PREX1: variants seen among roughly 807,000 people sequenced by gnomAD.
PREX1 encodes phosphatidylinositol-3,4,5-trisphosphate dependent Rac exchange factor 1.
PREX1 carries 41 observed loss-of-function variants against 198.3 expected under a neutral mutation model. The ratio of observed to expected loss-of-function variants is 0.21; its 90% CI spans 0.16 to 0.27. The LOEUF is 0.27. Ranked by LOEUF, PREX1 falls within the 10% of genes least tolerant of loss-of-function variation. The pLI is 1.00. For missense variants in PREX1, 1,620 were observed against 2,200.7 expected, an observed-to-expected ratio of 0.74 and a Z score of 5.28; for synonymous variants, 843 against 887.2, an observed-to-expected ratio of 0.95 and a Z score of 0.89.
chr20:48,735,775 C>T (rs2090054688), intron 3 of PREX1, among the ~76,000 whole-genome samples: 3 of 152,262 alleles, frequency 2.0e-5, no homozygotes, highest in South Asian at 4.1e-4. Context: ...CCCAGGGTCT[C>T]GCCGCTAGTG....
At chr20:48,724,468 T>C (rs6066827) in intron 5 of PREX1, among the ~76,000 whole-genome samples, 22,448 of 152,208 alleles carry the variant, frequency 0.15, 1,901 homozygotes, top group South Asian at 0.27. Flanking sequence ...GAAATTCAAA[T>C]CCAGACTGCT....
rs2089264391 is a variant in PREX1, at chr20:48,625,592, G to A, written c.*293C>T. On this transcript the variant is annotated 3_prime_UTR_variant, in exon 40 of 40. Transcript: ENST00000371941. ...GTTCCCTTGGGTTCTGGGGACGCAG[G>A]AGCCGAAGGCCAGGCACCAGCTGCT... 1 of 374,174 alleles carries A rather than the reference G, an allele frequency of 2.7e-6. No homozygotes were observed. Among genetic ancestry groups the A allele is most frequent in the Non-Finnish European group, 4.8e-6 (1 of 209,008 alleles). 23.2% of individuals were successfully genotyped at this position (374,174 alleles called of 1,614,324 possible).
In PREX1 at chr20:48,632,643, C is replaced by A. The variant is rs149877120; in HGVS notation, c.4268-4G>T. 1.7e-5 allele frequency: 27 copies of A among 1,613,390 alleles called. No homozygotes were observed. The highest frequency in any genetic ancestry group is 3.3e-4 in the Middle Eastern group (2 of 6,084). On this transcript the variant is annotated splice_polypyrimidine_tract_variant and splice_region_variant and intron_variant, in intron 33 of 39. Transcript: ENST00000371941. Reference sequence around the variant, plus strand: ...ATGTGGTAGAAGACGTTGGTGTCTGCGGAAGGATATGGGGCAGGATGACTC... The same window carrying A: ...ATGTGGTAGAAGACGTTGGTGTCTGAGGAAGGATATGGGGCAGGATGACTC...
chr20:48,695,056 A>C (rs1300981804), intron 7 of PREX1, among the ~76,000 whole-genome samples: 1 of 152,206 alleles, frequency 6.6e-6, no homozygotes, highest in Non-Finnish European at 1.5e-5. Flanking sequence ...CACAGAAAAA[A>C]AATGCCCAAA....
chr20:48,630,885 C>A, intron 35 of PREX1, 91 bp from the exon 36 acceptor site: 1 of 949,586 alleles, frequency 1.1e-6, no homozygotes, highest in Non-Finnish European at 1.7e-6. Context: ...GCCACCGTGA[C>A]TCCGCCCTCT....
At chr20:48,769,132 CT>C (rs756415563) in intron 1 of PREX1, among the ~76,000 whole-genome samples, 2 of 152,192 alleles carry the variant, frequency 1.3e-5, no homozygotes, top group Non-Finnish European at 2.9e-5. Context: ...GCCCTGGCTT[CT>C]TTGAGGCCCG....
At chr20:48,744,809 G>A (rs1835634738) in intron 3 of PREX1, among the ~76,000 whole-genome samples, 1 of 152,216 alleles carries the variant, frequency 6.6e-6, no homozygotes, top group Admixed American at 6.5e-5. Flanking sequence ...TGGAGCTGAG[G>A]GAAAGGAGAG....
chr20:48,787,487 T>C (rs1162714950), intron 1 of PREX1, among the ~76,000 whole-genome samples: 1 of 149,918 alleles, frequency 6.7e-6, no homozygotes, highest in African/African-American at 2.5e-5. Flanking sequence ...CCAGCCGGGG[T>C]CCACAAGAGA....
At chr20:48,816,344 C>T (rs921649899) in intron 1 of PREX1, among the ~76,000 whole-genome samples, 4 of 152,170 alleles carry the variant, frequency 2.6e-5, no homozygotes, top group African/African-American at 4.8e-5. Context: ...AGGATCACTG[C>T]CCCCTGTGTC....
At chr20:48,844,564 C>T in the PREX1 span, among the ~76,000 whole-genome samples, 1 of 152,172 alleles carries the variant, frequency 6.6e-6, no homozygotes, top group African/African-American at 2.4e-5. Context: ...AGGTCTTCTT[C>T]CCTCTCAAAA....
At chr20:48,635,863 A>T (rs1246546443) in intron 32 of PREX1, among the ~76,000 whole-genome samples, 1 of 152,148 alleles carries the variant, frequency 6.6e-6, no homozygotes, top group East Asian at 1.9e-4. Flanking sequence ...GAGGAAGGGG[A>T]GGGCTGAGTG....
At chr20:48,632,014 C>T (rs1164536759) in intron 35 of PREX1, among the ~76,000 whole-genome samples, 1 of 152,232 alleles carries the variant, frequency 6.6e-6, no homozygotes, top group East Asian at 1.9e-4. Flanking sequence ...CAGTTCAAAG[C>T]TCAGCCACTG....
At chr20:48,807,315 T>TC (rs2090416185) in intron 1 of PREX1, among the ~76,000 whole-genome samples, 1 of 152,180 alleles carries the variant, frequency 6.6e-6, no homozygotes, top group African/African-American at 2.4e-5. Context: ...TGTTTTTTTT[T>TC]CTCTACAAAA....
the PREX1 span, among the ~76,000 whole-genome samples, chr20:48,875,263 C>T: frequency 6.6e-6 from 1 of 152,102 alleles, no homozygotes; most frequent in African/African-American, 2.4e-5. Flanking sequence ...AGCTGAAGAA[C>T]AAGGGAAGAG....
intron 1 of PREX1, among the ~76,000 whole-genome samples, chr20:48,779,344 G>A (rs2122915687): frequency 6.6e-6 from 1 of 152,326 alleles, no homozygotes; most frequent in Middle Eastern, 3.4e-3. Context: ...ACAATACCAA[G>A]TGCTGATGAG....
chr20:48,644,304 A>G, intron 27 of PREX1, 105 bp downstream of exon 27: 1 of 1,001,348 alleles, frequency 1.0e-6, no homozygotes. Context: ...GCAATAAAAC[A>G]CAAAACAATA....
Position 48,666,487 on chromosome 20 carries a change from C to T in PREX1, c.1666-132G>A, listed in dbSNP as rs938504902. On this transcript the variant is annotated intron_variant, in intron 14 of 39. Transcript: ENST00000371941. This position sits in a 1 kb window ranked among gnomAD's most constrained non-coding sequence, Gnocchi z 4.3. ...CAGGGGTTGTCTGTTTTGTTTACTG[C>T]AGTAACCCCAAAACGGGTTTGTGAT... 2 of 627,064 alleles carry T rather than the reference C, an allele frequency of 3.2e-6. No individual in the cohort carries two copies. Among genetic ancestry groups the T allele is most frequent in the South Asian group, 1.8e-5 (1 of 54,304 alleles). The allele number at this position is 627,064 out of a possible 1,614,324, so 38.8% of individuals were successfully genotyped here.
chr20:48,791,921 G>A (rs2090340583), intron 1 of PREX1, among the ~76,000 whole-genome samples: 1 of 152,226 alleles, frequency 6.6e-6, no homozygotes, highest in African/African-American at 2.4e-5. Flanking sequence ...GCAATACCGG[G>A]CTCGAGTTCC....
chr20:48,804,441 A>T (rs1173339391), intron 1 of PREX1, among the ~76,000 whole-genome samples: 2 of 152,192 alleles, frequency 1.3e-5, no homozygotes, highest in Non-Finnish European at 2.9e-5. Context: ...AGAGGTCATG[A>T]GTGCACAAAT....
Sources: allele counts gnomAD v4.1 joint callset (sites outside exome capture counted in the v4.1 genomes callset), GRCh38; gene constraint gnomAD v4.1.1; non-coding constraint Gnocchi (gnomAD v3.1); transcripts MANE v1.5; gene names NCBI Gene and HGNC (gene_info 2026-07-23, HGNC 2026-07-21).